The following COL25A1 variants were observed in gnomAD, a reference collection of about 807,000 sequenced individuals.
COL25A1 encodes collagen alpha-1(XXV) chain.
COL25A1 carries 103 observed loss-of-function variants against 128.4 expected under a neutral mutation model. The observed-to-expected ratio is 0.80, with a 90% CI of 0.68 to 0.94. The LOEUF (loss-of-function observed/expected upper bound fraction) is 0.94. Ranked by LOEUF, COL25A1 falls within the 40% of genes least tolerant of loss-of-function variation. The pLI is 0.00. For synonymous variants in COL25A1, 279 were observed against 277.2 expected, an observed-to-expected ratio of 1.01 and a Z score of -0.06; for missense variants, 745 against 840.0, an observed-to-expected ratio of 0.89 and a Z score of 1.40.
intron 19 of COL25A1, among the ~76,000 whole-genome samples, chr4:108,882,607 AT>A (rs1367383215): frequency 6.6e-6 from 1 of 152,188 alleles, no homozygotes; most frequent in Non-Finnish European, 1.5e-5. Flanking sequence ...TTACTAAGAA[AT>A]GCCATAATTT....
chr4:109,202,444 A>G (rs1387304135), intron 3 of COL25A1, among the ~76,000 whole-genome samples: 1 of 152,084 alleles, frequency 6.6e-6, no homozygotes, highest in East Asian at 1.9e-4. Flanking sequence ...CAGACCTTAC[A>G]CCTTTCACAA....
intron 3 of COL25A1, among the ~76,000 whole-genome samples, chr4:109,163,025 T>C (rs901818251): frequency 6.6e-6 from 1 of 152,214 alleles, no homozygotes; most frequent in Non-Finnish European, 1.5e-5. Context: ...GGGTAATTCT[T>C]GTGAAGCTGC....
intron 3 of COL25A1, among the ~76,000 whole-genome samples, chr4:109,239,394 GTA>G (rs144842941): frequency 0.32 from 36,799 of 115,684 alleles, 6,128 homozygotes; most frequent in Non-Finnish European, 0.41. Flanking sequence ...GTGTGTGTGT[GTA>G]TATATATATA....
intron 5 of COL25A1, among the ~76,000 whole-genome samples, chr4:109,046,434 G>C (rs1760437905): frequency 6.6e-6 from 1 of 152,120 alleles, no homozygotes; most frequent in Non-Finnish European, 1.5e-5. Context: ...GCAGAAATGA[G>C]ATTTAACTAC....
chr4:109,298,963 A>C (rs1400431415), intron 3 of COL25A1, among the ~76,000 whole-genome samples: 2 of 152,226 alleles, frequency 1.3e-5, no homozygotes, highest in Non-Finnish European at 2.9e-5. Context: ...TATACAGTAA[A>C]TTTTAAATGT....
intron 3 of COL25A1, among the ~76,000 whole-genome samples, chr4:109,235,576 C>T (rs568166812): frequency 6.1e-4 from 92 of 151,426 alleles, no homozygotes; most frequent in African/African-American, 1.8e-3. Context: ...AGCCCCTCCA[C>T]AAAGAATGGG....
chr4:109,293,786 T>C (rs1420089627), intron 3 of COL25A1, among the ~76,000 whole-genome samples: 1 of 152,122 alleles, frequency 6.6e-6, no homozygotes, highest in Admixed American at 6.6e-5. Context: ...TCAAATCTCA[T>C]ATTATGTGGC....
At position 109,139,197 on chromosome 4, in the gene COL25A1, G is replaced by A. The variant is rs993887962; in HGVS notation, c.368-89018C>T. Among the ~76,000 whole-genome samples the A allele has an allele frequency of 4.6e-5, 5 of 109,230 alleles. No individual in the cohort carries two copies. In the Admixed American group the frequency reaches 4.6e-4, roughly 10 times the overall value. The allele number at this position is 109,230 out of a possible 152,430, so 71.7% of individuals were successfully genotyped here. On this transcript the variant is annotated intron_variant, in intron 3 of 37. Coordinates refer to ENST00000399132, the MANE Select transcript of COL25A1 (RefSeq NM_198721.4). ...GGGGTTGTTTTTTCCTTGTAAATTTGTTTAAGTTCCTTGTAGATTCTGGAT... is the reference window on the plus strand; with the variant it reads ...GGGGTTGTTTTTTCCTTGTAAATTTATTTAAGTTCCTTGTAGATTCTGGAT...
intron 3 of COL25A1, among the ~76,000 whole-genome samples, chr4:109,298,300 C>T (rs1266915834): frequency 2.0e-5 from 3 of 152,150 alleles, no homozygotes; most frequent in African/African-American, 4.8e-5. Flanking sequence ...TTAGAGCCTA[C>T]CTGAATAAAC....
rs544106626 is a variant in COL25A1, at chr4:109,053,591, G to A, written c.368-3412C>T. On this transcript the variant is annotated intron_variant, in intron 3 of 37. Coordinates refer to ENST00000399132, the MANE Select transcript of COL25A1 (RefSeq NM_198721.4). ...CTCATCAGGTGAATTACCAAAACCC[G>A]TCAATTCTACCCCTAGTACTTAGAT... 2.8e-4 allele frequency among the ~76,000 whole-genome samples: 42 copies of A among 152,208 alleles called. 1 individual carries two copies. The South Asian group carries it at 6.8e-3, about 25-fold the overall frequency.
At chr4:108,863,588 C>T (rs11938147) in intron 20 of COL25A1, among the ~76,000 whole-genome samples, 3,003 of 152,262 alleles carry the variant, frequency 0.02, 99 homozygotes, top group African/African-American at 0.067. Context: ...TTTTAGGTGT[C>T]AACTTGACTG....
chr4:109,016,513 C>G (rs1757230736), intron 5 of COL25A1, among the ~76,000 whole-genome samples: 1 of 152,218 alleles, frequency 6.6e-6, no homozygotes, highest in Non-Finnish European at 1.5e-5. Flanking sequence ...ACCAGACTGC[C>G]AGTTCCAGGT....
At chr4:109,157,766 C>G (rs1318494114) in intron 3 of COL25A1, among the ~76,000 whole-genome samples, 1 of 152,170 alleles carries the variant, frequency 6.6e-6, no homozygotes, top group Non-Finnish European at 1.5e-5. Context: ...AAAAATACAT[C>G]TTTTGCAAGT....
intron 3 of COL25A1, among the ~76,000 whole-genome samples, chr4:109,286,140 C>A (rs1000461659): frequency 6.6e-6 from 1 of 152,092 alleles, no homozygotes; most frequent in African/African-American, 2.4e-5. Context: ...AAGAATGATG[C>A]AAATCAATTT....
chr4:109,150,542 T>C (rs776571320), intron 3 of COL25A1, among the ~76,000 whole-genome samples: 45 of 152,178 alleles, frequency 3.0e-4, no homozygotes, highest in South Asian at 8.3e-4. Context: ...CTTGCAGCTA[T>C]CTAATTTATT....
chr4:109,150,656 A>C (rs1226455153), intron 3 of COL25A1, among the ~76,000 whole-genome samples: 1 of 152,162 alleles, frequency 6.6e-6, no homozygotes, highest in Non-Finnish European at 1.5e-5. Flanking sequence ...TTTTTCTATG[A>C]GAATTAAACT....
chr4:109,155,325 C>T (rs1325716731), intron 3 of COL25A1, among the ~76,000 whole-genome samples: 1 of 152,178 alleles, frequency 6.6e-6, no homozygotes. Context: ...GCAATACATA[C>T]TTTGGTCTCC....
chr4:109,218,017 T>C (rs1778129530), intron 3 of COL25A1, among the ~76,000 whole-genome samples: 1 of 152,126 alleles, frequency 6.6e-6, no homozygotes, highest in Non-Finnish European at 1.5e-5. Flanking sequence ...AGGTTTGTGC[T>C]GTGGCGATCT....
chr4:108,964,099 A>G (rs1751039388), intron 8 of COL25A1, among the ~76,000 whole-genome samples: 1 of 149,532 alleles, frequency 6.7e-6, no homozygotes. Flanking sequence ...ATTAAATTAA[A>G]TTAATAAATT....
Sources: allele counts gnomAD v4.1 joint callset (sites outside exome capture counted in the v4.1 genomes callset), GRCh38; gene constraint gnomAD v4.1.1; transcripts MANE v1.5; gene names NCBI Gene and HGNC (gene_info 2026-07-23, HGNC 2026-07-21).